The following ZHX3 variants were observed in gnomAD, a reference collection of about 807,000 sequenced individuals.
The protein encoded by ZHX3 is zinc fingers and homeoboxes 3.
ZHX3 carries 20 observed loss-of-function variants against 64.5 expected under a neutral mutation model. That is an observed-to-expected ratio of 0.31 (90% CI 0.22 to 0.45). The LOEUF (loss-of-function observed/expected upper bound fraction) is 0.45. Ranked by LOEUF, ZHX3 falls within the 20% of genes least tolerant of loss-of-function variation. The pLI, the probability that ZHX3 is intolerant of heterozygous loss-of-function variation, is 1.00. For synonymous variants in ZHX3, 423 were observed against 461.6 expected, an observed-to-expected ratio of 0.92 and a Z score of 1.07; for missense variants, 1,041 against 1,195.8, an observed-to-expected ratio of 0.87 and a Z score of 1.91.
At chr20:41,234,633 G>C (rs137922659) in intron 2 of ZHX3, among the ~76,000 whole-genome samples, 4 of 152,208 alleles carry the variant, frequency 2.6e-5, no homozygotes, top group African/African-American at 9.6e-5. Flanking sequence ...ACTGCCTCGC[G>C]AGGGAAAAAG....
Position 41,184,476 on chromosome 20 carries a change from T to G in ZHX3, c.*715A>C, listed in dbSNP as rs903417207. On this transcript the variant is annotated 3_prime_UTR_variant, in exon 4 of 4. Coordinates refer to ENST00000683867, the MANE Select transcript of ZHX3 (RefSeq NM_001384317.1). The stretch of plus-strand genomic sequence containing the variant: ...GAATTACGGTAACAACTAAAGAGAA[T>G]GGTAAAGCATCCAACGCTAATCACA... 6.1e-6 allele frequency: 1 copy of G among 164,256 alleles called. No individual in the cohort carries two copies. The highest frequency in any genetic ancestry group is 2.4e-5 in the African/African-American group (1 of 41,710). 10.2% of individuals were successfully genotyped at this position (164,256 alleles called of 1,614,324 possible). A position where few individuals can be genotyped will look rare whatever the true frequency, so the allele number is the denominator to read the frequency against.
chr20:41,196,457 T>TAATATATATTTATATAAATATATA (rs11480834), intron 3 of ZHX3, among the ~76,000 whole-genome samples: 1 of 1,370 alleles, frequency 7.3e-4, no homozygotes, highest in Non-Finnish European at 1.9e-3. Context: ...ATATAATATA[T>TAATATATATTTATATAAATATATA]TTATATATAA....
rs1480391574 is a variant in ZHX3, at chr20:41,232,759, G to C, written c.-150-27693C>G. Reference sequence around the variant, plus strand: ...CACCACCTCGCCCGGCTAATTTTTTGTATTTTTAGTAGAGACGGGGTTTCA... The same window carrying C: ...CACCACCTCGCCCGGCTAATTTTTTCTATTTTTAGTAGAGACGGGGTTTCA... On this transcript the variant is annotated intron_variant, in intron 2 of 3. Transcript: ENST00000683867. This position sits in a 1 kb window ranked among gnomAD's most constrained non-coding sequence, Gnocchi z 5.0. Among the ~76,000 whole-genome samples the C allele has an allele frequency of 2.0e-5, 3 of 151,804 alleles. No individual in the cohort carries two copies. Among genetic ancestry groups the C allele is most frequent in the African/African-American group, 7.3e-5 (3 of 41,330 alleles).
Position 41,204,202 on chromosome 20 carries a change from C to T in ZHX3, c.715G>A (p.Val239Ile). Residue 239 changes from valine (V) to isoleucine (I), a missense_variant, in exon 3 of 4, where the codon GTC becomes ATC. Val to Ile is a conservative substitution (Grantham distance 29). This residue lies in a region of ZHX3 where 358 missense variants were observed against 369.1 expected (regional missense o/e 0.97). Coordinates refer to ENST00000683867, the MANE Select transcript of ZHX3 (RefSeq NM_001384317.1). The surrounding 1 kb of genome is among the most constrained non-coding windows in gnomAD (Gnocchi z 6.6). ...DHSFINGAVP[V>I]SQASASSAKN... ...GCAGAGCTGGCAGATGCCTGGCTGA[C>T]TGGAACTGCCCCATTGATGAAGGAA... 2 of 1,611,254 alleles carry T rather than the reference C, an allele frequency of 1.2e-6. No homozygotes were observed. The highest frequency in any genetic ancestry group is 2.7e-5 in the African/African-American group (2 of 74,972).
chr20:41,218,694 A>G (rs1408518192), intron 2 of ZHX3, among the ~76,000 whole-genome samples: 3 of 152,204 alleles, frequency 2.0e-5, no homozygotes, highest in Non-Finnish European at 4.4e-5. Context: ...TTGGCAGTCC[A>G]GTAAGTGGAT....
At chr20:41,299,926 C>T (rs1403571726) in intron 1 of ZHX3, 1 of 151,190 alleles carries the variant, frequency 6.6e-6, no homozygotes, top group East Asian at 1.9e-4. Context: ...CATTAACCAC[C>T]CAAAACCTTC....
At chr20:41,267,863 C>T (rs1427307314) in intron 2 of ZHX3, among the ~76,000 whole-genome samples, 1 of 152,110 alleles carries the variant, frequency 6.6e-6, no homozygotes, top group Non-Finnish European at 1.5e-5. Context: ...ATGAAGCAGT[C>T]AGTATGAGAG....
At chr20:41,311,487 G>GA (rs1235898224) in intron 1 of ZHX3, among the ~76,000 whole-genome samples, 3 of 152,182 alleles carry the variant, frequency 2.0e-5, no homozygotes, top group Non-Finnish European at 4.4e-5. Context: ...CTTCCCAGGA[G>GA]AATATAACAT....
intron 2 of ZHX3, among the ~76,000 whole-genome samples, chr20:41,225,674 G>T (rs1301159608): frequency 6.6e-6 from 1 of 152,126 alleles, no homozygotes; most frequent in Non-Finnish European, 1.5e-5. Flanking sequence ...TTTTAGTAGA[G>T]ACAGGGTTTC....
intron 2 of ZHX3, among the ~76,000 whole-genome samples, chr20:41,254,964 G>C (rs1285520070): frequency 6.6e-6 from 1 of 152,082 alleles, no homozygotes; most frequent in African/African-American, 2.4e-5. Flanking sequence ...TGATAATAGT[G>C]AGGAAGACCA....
intron 1 of ZHX3, among the ~76,000 whole-genome samples, chr20:41,314,476 CA>C (rs1361541999): frequency 1.3e-5 from 2 of 152,162 alleles, no homozygotes; most frequent in African/African-American, 4.8e-5. Context: ...TCTGTTGACA[CA>C]AAAACCCCAC....
At chr20:41,284,992 C>G (rs2179372) in intron 1 of ZHX3, among the ~76,000 whole-genome samples, 101,739 of 151,904 alleles carry the variant, frequency 0.67, 36,098 homozygotes, top group African/African-American at 0.92. Context: ...CCCTTGACTT[C>G]GTACACTCTT....
At chr20:41,292,176 G>A (rs2044282315) in intron 1 of ZHX3, among the ~76,000 whole-genome samples, 1 of 151,996 alleles carries the variant, frequency 6.6e-6, no homozygotes, top group Non-Finnish European at 1.5e-5. Flanking sequence ...GTTTTTTGCT[G>A]TTGTCTTTAT....
At chr20:41,196,474 T>TA (rs2037618694) in intron 3 of ZHX3, among the ~76,000 whole-genome samples, 2 of 37,914 alleles carry the variant, frequency 5.3e-5, no homozygotes, top group Admixed American at 4.8e-4. Flanking sequence ...ATAATATATA[T>TA]TTATATATTA....
intron 1 of ZHX3, among the ~76,000 whole-genome samples, chr20:41,313,904 G>T (rs2045218544): frequency 6.6e-6 from 1 of 151,834 alleles, no homozygotes; most frequent in African/African-American, 2.4e-5. Flanking sequence ...CCTCCTTTTA[G>T]GCCTTTAAGA....
chr20:41,316,333 G>A (rs1283860858), intron 1 of ZHX3, among the ~76,000 whole-genome samples: 2 of 151,980 alleles, frequency 1.3e-5, no homozygotes, highest in African/African-American at 4.8e-5. Context: ...AACAAATTAA[G>A]CTCGAATAAG....
chr20:41,278,770 GTTTTT>G (rs1196141371), intron 1 of ZHX3, among the ~76,000 whole-genome samples: 3 of 138,820 alleles, frequency 2.2e-5, no homozygotes, highest in African/African-American at 8.1e-5. Context: ...TCTCTGCACA[GTTTTT>G]TTTTGTTTTT....
At chr20:41,259,872 T>A (rs556351405) in intron 2 of ZHX3, among the ~76,000 whole-genome samples, 1 of 152,236 alleles carries the variant, frequency 6.6e-6, no homozygotes, top group South Asian at 2.1e-4. Context: ...AAAACCCCAA[T>A]AAGATTTTTA....
rs547038332 is a variant in ZHX3 at position 41,304,915 on chromosome 20, T to A, written c.-245+12594A>T. 2.0e-5 allele frequency among the ~76,000 whole-genome samples: 3 copies of A among 152,350 alleles called. No homozygotes were observed. In the East Asian group the frequency reaches 5.8e-4, roughly 29 times the overall value. ...TAGGATGAATCATCATGGGGAAGAA[T>A]CAAGACTTGACCAAGGACTATGTTA... On this transcript the variant is annotated intron_variant, in intron 1 of 3. Coordinates refer to ENST00000683867, the MANE Select transcript of ZHX3 (RefSeq NM_001384317.1).
Sources: gnomAD v4.1 joint callset for allele counts (sites outside exome capture counted in the v4.1 genomes callset) on GRCh38, gnomAD v4.1.1 for gene constraint, gnomAD v4.1.1 regional missense constraint, Gnocchi (gnomAD v3.1) non-coding constraint, MANE v1.5 for transcripts, NCBI Gene and HGNC (gene_info 2026-07-23, HGNC 2026-07-21) for gene names.